The following LRRC4C variants were observed in gnomAD, a reference collection of about 807,000 sequenced individuals.
The protein encoded by LRRC4C is leucine rich repeat containing 4C.
A neutral mutation model predicts 33.6 loss-of-function variants in LRRC4C; 5 were observed. The observed-to-expected ratio is 0.15, with a 90% confidence interval of 0.08 to 0.31. The LOEUF (loss-of-function observed/expected upper bound fraction) is 0.31, where lower values mean the gene tolerates loss of function less well. Ranked by LOEUF, LRRC4C falls within the 10% of genes least tolerant of loss-of-function variation. The pLI, the probability that LRRC4C is intolerant of heterozygous loss-of-function variation, is 1.00. For missense variants in LRRC4C, 560 were observed against 796.7 expected, an observed-to-expected ratio of 0.70 and a Z score of 3.58; for synonymous variants, 329 against 302.0, an observed-to-expected ratio of 1.09 and a Z score of -0.93.
rs368958216 is a variant in LRRC4C at position 41,245,473 on chromosome 11, G to A, written c.-496+213958C>T. On this transcript the variant is annotated intron_variant, in intron 1 of 6. Transcript: ENST00000528697. ...ACCAGCACGGGTACTGGCTCCCTGC[G>A]AGGCTGTGGCTAGACCAGGCATACC... Among the ~76,000 whole-genome samples, 137 of 152,314 alleles carry A rather than the reference G, an allele frequency of 9.0e-4. 1 individual carries two copies. The South Asian group carries it at 0.027, about 29-fold the overall frequency.
Position 41,113,002 on chromosome 11 carries a change from A to T in LRRC4C, c.-495-179279T>A, listed in dbSNP as rs376915119. ...ATACAAACACAGAATTAAAAACTAA[A>T]CAAGTACATTTTCTGAAGTCTTTAT... On this transcript the variant is annotated intron_variant, in intron 1 of 6. Transcript: ENST00000528697. Among the ~76,000 whole-genome samples the T allele has an allele frequency of 7.2e-5, 11 of 152,150 alleles. No individual in the cohort carries two copies. In the East Asian group the frequency reaches 2.1e-3, roughly 29 times the overall value.
intron 5 of LRRC4C, among the ~76,000 whole-genome samples, chr11:40,174,357 T>C (rs1393626287): frequency 6.6e-6 from 1 of 152,096 alleles, no homozygotes; most frequent in East Asian, 1.9e-4. Flanking sequence ...AAATTGAAGA[T>C]CAGGAGTAAC....
chr11:40,327,290 T>C (rs1385380441), intron 3 of LRRC4C, among the ~76,000 whole-genome samples: 1 of 150,656 alleles, frequency 6.6e-6, no homozygotes, highest in African/African-American at 2.4e-5. Flanking sequence ...TTTGGAGTCA[T>C]GTGAGATGCC....
At chr11:41,173,961 G>A (rs1486252351) in intron 1 of LRRC4C, among the ~76,000 whole-genome samples, 2 of 152,010 alleles carry the variant, frequency 1.3e-5, no homozygotes, top group East Asian at 3.9e-4. Flanking sequence ...GAAATCACAA[G>A]CTTCTGCATT....
At position 40,536,678 on chromosome 11, in the gene LRRC4C, T is replaced by G. The variant is rs182953067; in HGVS notation, c.-270+111464A>C. Among the ~76,000 whole-genome samples the G allele has an allele frequency of 2.0e-5, 3 of 152,314 alleles. No individual in the cohort carries two copies. In the East Asian group the frequency reaches 5.8e-4, roughly 29 times the overall value. ...TAGAACCTTTACATTTGCTAGTCAT[T>G]CTCTTCCTGGAATGCTCTTTTTTTT... On this transcript the variant is annotated intron_variant, in intron 3 of 6. Coordinates refer to ENST00000528697, the MANE Select transcript of LRRC4C (RefSeq NM_001258419.2).
At chr11:40,773,797 A>G (rs1473398315) in intron 2 of LRRC4C, among the ~76,000 whole-genome samples, 1 of 152,120 alleles carries the variant, frequency 6.6e-6, no homozygotes, top group African/African-American at 2.4e-5. Context: ...ATATATGTTT[A>G]TAACTGTACT....
chr11:41,369,775 C>T (rs1952676757), intron 1 of LRRC4C, among the ~76,000 whole-genome samples: 1 of 152,030 alleles, frequency 6.6e-6, no homozygotes, highest in African/African-American at 2.4e-5. Context: ...TGATGAGCAC[C>T]TGGAGAAAAG....
intron 3 of LRRC4C, among the ~76,000 whole-genome samples, chr11:40,338,220 T>C (rs1245705976): frequency 6.6e-6 from 1 of 152,168 alleles, no homozygotes; most frequent in African/African-American, 2.4e-5. Context: ...AATTTATGTC[T>C]CCTAAGAACA....
chr11:40,178,946 T>C (rs1860744638), intron 5 of LRRC4C, among the ~76,000 whole-genome samples: 1 of 152,220 alleles, frequency 6.6e-6, no homozygotes, highest in South Asian at 2.1e-4. Context: ...TTTTGACTCT[T>C]GTGGTTCACC....
intron 3 of LRRC4C, among the ~76,000 whole-genome samples, chr11:40,635,282 T>C (rs1015214360): frequency 5.9e-5 from 9 of 152,146 alleles, no homozygotes; most frequent in Admixed American, 5.9e-4. Context: ...AAATCTCAAT[T>C]ATAATTAAGC....
At chr11:40,913,814 G>T (rs1009185548) in intron 2 of LRRC4C, among the ~76,000 whole-genome samples, 2 of 151,970 alleles carry the variant, frequency 1.3e-5, no homozygotes, top group South Asian at 2.1e-4. Flanking sequence ...GACTAATAAA[G>T]AAGAAAAGAG....
At position 41,098,528 on chromosome 11, in the gene LRRC4C, C is replaced by A. The variant is rs75752663; in HGVS notation, c.-495-164805G>T. Among the ~76,000 whole-genome samples the A allele has an allele frequency of 5.5e-3, 840 of 152,180 alleles. 22 individuals carry two copies. The East Asian group carries it at 0.058, about 10-fold the overall frequency. ...GATACTGAAATTCATTTCTAAAACA[C>A]TAGGAGTAAACATTCCAGAATAAAA... is the stretch of plus-strand genomic sequence containing the variant. On this transcript the variant is annotated intron_variant, in intron 1 of 6. Coordinates refer to ENST00000528697, the MANE Select transcript of LRRC4C (RefSeq NM_001258419.2).
At position 40,990,060 on chromosome 11, in the gene LRRC4C, A is replaced by G. The variant is rs182114920; in HGVS notation, c.-495-56337T>C. 5.0e-4 allele frequency among the ~76,000 whole-genome samples: 75 copies of G among 151,178 alleles called. No homozygotes were observed. The East Asian group carries it at 0.011, about 23-fold the overall frequency. On this transcript the variant is annotated intron_variant, in intron 1 of 6. Transcript: ENST00000528697. The stretch of plus-strand genomic sequence containing the variant: ...AGGGGCTTGAGTATGCAGAGACTAT[A>G]GTATCTGCAGGGTAAGAGGGTCTGG...
chr11:40,785,048 G>T (rs770429969), intron 2 of LRRC4C, among the ~76,000 whole-genome samples: 11 of 152,128 alleles, frequency 7.2e-5, no homozygotes, highest in Non-Finnish European at 1.0e-4. Flanking sequence ...CTCATTAATT[G>T]CAATGATAAT....
chr11:40,819,219 T>C (rs1017784412), intron 2 of LRRC4C, among the ~76,000 whole-genome samples: 15 of 151,984 alleles, frequency 9.9e-5, no homozygotes, highest in Non-Finnish European at 1.8e-4. Context: ...ATTAAGAAGA[T>C]AGGCAAAATA....
At chr11:40,121,085 T>G (rs974033632) in intron 6 of LRRC4C, among the ~76,000 whole-genome samples, 1 of 152,180 alleles carries the variant, frequency 6.6e-6, no homozygotes, top group Admixed American at 6.5e-5. Flanking sequence ...TTCCTATTTT[T>G]TAAGACAGGA....
At chr11:40,210,581 G>C (rs114716961) in intron 5 of LRRC4C, among the ~76,000 whole-genome samples, 169 of 152,152 alleles carry the variant, frequency 1.1e-3, no homozygotes, top group African/African-American at 4.0e-3. Flanking sequence ...GGGCTACGTG[G>C]CTCTGATCCC....
chr11:40,646,619 T>C (rs112446164), intron 3 of LRRC4C, among the ~76,000 whole-genome samples: 2 of 152,132 alleles, frequency 1.3e-5, no homozygotes, highest in South Asian at 4.2e-4. Flanking sequence ...CTCTCTCTCT[T>C]TTTTGGAGAC....
chr11:40,718,086 T>C (rs1249446448), intron 2 of LRRC4C, among the ~76,000 whole-genome samples: 1 of 152,228 alleles, frequency 6.6e-6, no homozygotes, highest in Non-Finnish European at 1.5e-5. Flanking sequence ...ATTGCCTTTA[T>C]CCTTTAGATT....
Sources: gnomAD v4.1 joint callset for allele counts (sites outside exome capture counted in the v4.1 genomes callset) on GRCh38, gnomAD v4.1.1 for gene constraint, MANE v1.5 for transcripts, NCBI Gene and HGNC (gene_info 2026-07-23, HGNC 2026-07-21) for gene names.